GUCY1B1: variants seen among roughly 807,000 people sequenced by gnomAD.
GUCY1B1 encodes guanylate cyclase 1 soluble subunit beta 1, also known as guanylate cyclase soluble subunit beta-1.
A neutral mutation model predicts 71.0 loss-of-function variants in GUCY1B1; 43 were observed. The observed-to-expected ratio is 0.61, with a 90% CI of 0.47 to 0.78. The LOEUF is 0.78. Ranked by LOEUF, GUCY1B1 falls within the 30% of genes least tolerant of loss-of-function variation. The pLI, the probability that GUCY1B1 is intolerant of heterozygous loss-of-function variation, is 0.00. For missense variants in GUCY1B1, 535 were observed against 754.1 expected (o/e 0.71, Z 3.40); for synonymous variants, 266 against 259.7 (o/e 1.02, Z -0.23).
At chr4:155,766,747 T>A (rs1737361738) in intron 2 of GUCY1B1, among the ~76,000 whole-genome samples, 1 of 152,204 alleles carries the variant, frequency 6.6e-6, no homozygotes, top group African/African-American at 2.4e-5. Flanking sequence ...AGGACATGAT[T>A]GAATCCTTTA....
At chr4:155,786,265 A>G (rs1003537632) in intron 4 of GUCY1B1, among the ~76,000 whole-genome samples, 24 of 121,226 alleles carry the variant, frequency 2.0e-4, no homozygotes, top group African/African-American at 7.6e-4. Context: ...TGTTTGGTTC[A>G]ATTTCCTTTT....
At chr4:155,772,377 T>C (rs1476064571) in intron 2 of GUCY1B1, among the ~76,000 whole-genome samples, 1 of 152,200 alleles carries the variant, frequency 6.6e-6, no homozygotes, top group Non-Finnish European at 1.5e-5. Flanking sequence ...TATCTGTTGC[T>C]TCCACTTCAG....
Position 155,796,419 on chromosome 4 carries a change from C to G in GUCY1B1, c.886C>G (p.Leu296Val), listed in dbSNP as rs1326938203. The change falls in exon 8 of 14, where the codon CTG becomes GTG. Residue 296 changes from leucine to valine, a missense_variant. Transcript: ENST00000264424. ...DVEKLECEDE[L>V]TGTEISCLRL... ...GGAGAAATTAGAATGTGAGGATGAA[C>G]TGACTGGGACTGAGATCAGCTGCTT... The G allele has an allele frequency of 6.2e-7, 1 of 1,612,724 alleles. No homozygotes were observed. Among genetic ancestry groups the G allele is most frequent in the African/African-American group, 1.3e-5 (1 of 75,016 alleles).
chr4:155,801,406 C>A (rs1333570793), intron 9 of GUCY1B1, among the ~76,000 whole-genome samples: 1 of 152,108 alleles, frequency 6.6e-6, no homozygotes, highest in Admixed American at 6.6e-5. Flanking sequence ...TATTAATTTT[C>A]TTTAAAGCTA....
In GUCY1B1 at chr4:155,799,990, A is replaced by G. The variant is rs1241863434; in HGVS notation, c.1091A>G (p.Lys364Arg). 6.2e-7 allele frequency: 1 copy of G among 1,613,668 alleles called. No homozygotes were observed. Among genetic ancestry groups the G allele is most frequent in the African/African-American group, 1.3e-5 (1 of 75,012 alleles). ...GGAGAACAATTTAGAGAGGAATACA[A>G]ACTCACCCAAGAACTGGAAATCCTC... is the stretch of plus-strand genomic sequence containing the variant. ...LLGEQFREEY[K>R]LTQELEILTD... The change falls in exon 9 of 14, where the codon AAA becomes AGA. Residue 364 changes from lysine to arginine, a missense_variant. Transcript: ENST00000264424.
Position 155,807,557 on chromosome 4 carries a change from TAA to T in GUCY1B1, c.*1151_*1152del, listed in dbSNP as rs1048829142. The T allele has an allele frequency of 1.3e-5, 2 of 152,132 alleles. No individual in the cohort carries two copies. The highest frequency in any genetic ancestry group is 6.6e-5 in the Admixed American group (1 of 15,254). 9.4% of individuals were successfully genotyped at this position (152,132 alleles called of 1,614,324 possible). A position where few individuals can be genotyped will look rare whatever the true frequency, so the allele number is the denominator to read the frequency against. ...TGTATAAATGTTCCATGTTAATGTG[TAA>T]AAGAGTCTGTAATAAATTATTTTTT... is the stretch of plus-strand genomic sequence containing the variant. On this transcript the variant is annotated 3_prime_UTR_variant, in exon 14 of 14. Transcript: ENST00000264424.
At chr4:155,798,928 C>T (rs1739753201) in intron 8 of GUCY1B1, among the ~76,000 whole-genome samples, 1 of 152,126 alleles carries the variant, frequency 6.6e-6, no homozygotes. Context: ...GCCTCCTGCT[C>T]CCGGGTTCAA....
chr4:155,761,556 T>A (rs2110956712), intron 2 of GUCY1B1, among the ~76,000 whole-genome samples: 1 of 152,310 alleles, frequency 6.6e-6, no homozygotes, highest in East Asian at 1.9e-4. Context: ...CACTGTTAAA[T>A]ACAGAGATGA....
intron 6 of GUCY1B1, among the ~76,000 whole-genome samples, chr4:155,794,473 G>A (rs1195812706): frequency 6.6e-6 from 1 of 152,058 alleles, no homozygotes; most frequent in Non-Finnish European, 1.5e-5. Context: ...GGTGTTAAGG[G>A]AAAAGGGGGG....
At chr4:155,791,411 G>A (rs1247466561) in intron 5 of GUCY1B1, among the ~76,000 whole-genome samples, 7 of 106,560 alleles carry the variant, frequency 6.6e-5, no homozygotes, top group African/African-American at 1.5e-4. Flanking sequence ...CACCGCGCCC[G>A]GCCAGTCTTT....
intron 1 of GUCY1B1, chr4:155,759,467 C>T: frequency 3.9e-6 from 2 of 508,572 alleles, no homozygotes; most frequent in Middle Eastern, 5.1e-4. Flanking sequence ...AGGCTGAGCG[C>T]CAGCGGAAGG....
chr4:155,803,805 C>A (rs1740121337), intron 11 of GUCY1B1, 41 bp downstream of exon 11: 1 of 1,324,914 alleles, frequency 7.5e-7, no homozygotes, highest in Non-Finnish European at 1.0e-6. Context: ...GGTATGTAAA[C>A]CTTTTTGGAC....
Position 155,759,334 on chromosome 4 carries a change from G to A in GUCY1B1, c.3+191G>A, listed in dbSNP as rs374567687. ...GAACGCCGCGAGTCGTGGCGGGGGCGATCGGTGCCTTTGCTTCCCAGGCGG... is the reference window on the plus strand; with the variant it reads ...GAACGCCGCGAGTCGTGGCGGGGGCAATCGGTGCCTTTGCTTCCCAGGCGG... On this transcript the variant is annotated intron_variant, in intron 1 of 13. Coordinates refer to ENST00000264424, the MANE Select transcript of GUCY1B1 (RefSeq NM_000857.5). The A allele has an allele frequency of 4.4e-4, 257 of 587,952 alleles. 3 individuals carry two copies. The South Asian group carries it at 5.3e-3, about 12-fold the overall frequency. 36.4% of individuals were successfully genotyped at this position (587,952 alleles called of 1,614,324 possible).
chr4:155,773,014 G>A (rs980684823), intron 2 of GUCY1B1, among the ~76,000 whole-genome samples: 2 of 152,208 alleles, frequency 1.3e-5, no homozygotes, highest in Non-Finnish European at 2.9e-5. Context: ...AGCTTCTGAA[G>A]GAGAGAAAGC....
At chr4:155,805,078 C>A in intron 12 of GUCY1B1, 25 bp from the exon 13 acceptor site, 1 of 1,602,046 alleles carries the variant, frequency 6.2e-7, no homozygotes, top group Non-Finnish European at 8.5e-7. Context: ...ACTTCTCTCT[C>A]TACTCCCCTT....
chr4:155,805,285 A>G, intron 13 of GUCY1B1, 56 bp downstream of exon 13: 1 of 1,386,558 alleles, frequency 7.2e-7, no homozygotes, highest in Non-Finnish European at 9.9e-7. Context: ...AGTATGGAAA[A>G]CTAAAGCAAA....
Position 155,796,366 on chromosome 4 carries a change from G to A in GUCY1B1, c.844-11G>A. ...AGGCATTCATTAATGGTTGTATCTT[G>A]CCTTTTCAAGGAAGGATTGTTGGAT... On this transcript the variant is annotated splice_polypyrimidine_tract_variant and intron_variant, in intron 7 of 13. Transcript: ENST00000264424. 6.2e-7 allele frequency: 1 copy of A among 1,611,640 alleles called. No homozygotes were observed. Among genetic ancestry groups the A allele is most frequent in the East Asian group, 2.2e-5 (1 of 44,848 alleles).
At chr4:155,774,397 CTTCA>C (rs145515081) in intron 2 of GUCY1B1, among the ~76,000 whole-genome samples, 1,826 of 152,280 alleles carry the variant, frequency 0.012, 34 homozygotes, top group African/African-American at 0.041. Context: ...TTCAGACTTT[CTTCA>C]AATGCCAGCT....
In GUCY1B1 at chr4:155,799,950, G is replaced by C. The variant is rs749524645; in HGVS notation, c.1051G>C (p.Asp351His). ...SDIPLHDATR[D>H]LVLLGEQFRE... ...CATCCCTCTGCATGATGCCACGCGC[G>C]ATCTTGTTCTTTTGGGAGAACAATT... Residue 351 changes from aspartate (D) to histidine (H), a missense_variant, in exon 9 of 14, where the codon GAT (aspartate) becomes CAT (histidine). By Grantham distance (81) the Asp-to-His change is moderately conservative. Transcript: ENST00000264424. 6.2e-7 allele frequency: 1 copy of C among 1,613,112 alleles called. No homozygotes were observed. Among genetic ancestry groups the C allele is most frequent in the African/African-American group, 1.3e-5 (1 of 74,990 alleles).
Sources: gnomAD v4.1 joint callset for allele counts (sites outside exome capture counted in the v4.1 genomes callset) on GRCh38, gnomAD v4.1.1 for gene constraint, MANE v1.5 for transcripts, NCBI Gene and HGNC (gene_info 2026-07-23, HGNC 2026-07-21) for gene names.